The following RTN1 variants were observed in gnomAD, a reference collection of about 807,000 sequenced individuals.
RTN1 encodes the protein reticulon-1.
RTN1 carries 25 observed loss-of-function variants against 65.5 expected under a neutral mutation model. That is an observed-to-expected ratio of 0.38 (90% CI 0.28 to 0.53). The LOEUF (loss-of-function observed/expected upper bound fraction) is 0.53. RTN1 is among the 20% of genes least tolerant of loss of function. RTN1 has a pLI of 0.79. For synonymous variants in RTN1, 471 were observed against 447.6 expected, an observed-to-expected ratio of 1.05 and a Z score of -0.66; for missense variants, 983 against 1,025.4, an observed-to-expected ratio of 0.96 and a Z score of 0.57.
At chr14:59,837,713 T>A (rs1887237543) in intron 1 of RTN1, among the ~76,000 whole-genome samples, 1 of 151,712 alleles carries the variant, frequency 6.6e-6, no homozygotes, top group Admixed American at 6.6e-5. Flanking sequence ...TTTTTGACCA[T>A]CAAATTGATA....
chr14:59,714,520 C>A (rs1884493258), intron 3 of RTN1, among the ~76,000 whole-genome samples: 1 of 152,152 alleles, frequency 6.6e-6, no homozygotes, highest in Non-Finnish European at 1.5e-5. Flanking sequence ...TTGCCATCCC[C>A]TTGGTCTAGA....
chr14:59,749,837 G>A (rs1423111042), intron 1 of RTN1, among the ~76,000 whole-genome samples: 11 of 98,982 alleles, frequency 1.1e-4, no homozygotes, highest in South Asian at 1.1e-3. Context: ...ATATCTATAT[G>A]TATATTTATA....
intron 1 of RTN1, among the ~76,000 whole-genome samples, chr14:59,750,059 C>G (rs1277809316): frequency 1.3e-4 from 9 of 70,104 alleles, no homozygotes; most frequent in African/African-American, 6.1e-4. Flanking sequence ...ATATTATATA[C>G]ATATATTATA....
chr14:59,630,638 C>A lies in RTN1; in HGVS notation c.1766-23146G>T, dbSNP rs779774819. 4 of 1,353,830 alleles carry A rather than the reference C, an allele frequency of 3.0e-6. No individual in the cohort carries two copies. The African/African-American group carries it at 6.0e-5, about 20-fold the overall frequency. 83.9% of individuals were successfully genotyped at this position (1,353,830 alleles called of 1,614,324 possible). A position where few individuals can be genotyped will look rare whatever the true frequency, so the allele number is the denominator to read the frequency against. On this transcript the variant is annotated intron_variant, in intron 3 of 8. Coordinates refer to ENST00000267484, the MANE Select transcript of RTN1 (RefSeq NM_021136.3). ...GCGGAGAGACTGAGGCTGCACCAGG[C>A]GGCGCGCGGTGAGGGGCGGGAGCGT... is the stretch of plus-strand genomic sequence containing the variant.
rs188028486 is a variant in RTN1 at position 59,670,549 on chromosome 14, C to T, written c.1765+56370G>A. Among the ~76,000 whole-genome samples, 1,178 of 152,236 alleles carry T rather than the reference C, an allele frequency of 7.7e-3. 17 individuals are homozygous for T. The highest frequency in any genetic ancestry group is 0.025 in the African/African-American group (1,051 of 41,534). Reference sequence around the variant, plus strand: ...TTTTAAAAAGTCTTGAAGATGGCAACGTGGACCTAAATATATTCAGAAAAA... The same window carrying T: ...TTTTAAAAAGTCTTGAAGATGGCAATGTGGACCTAAATATATTCAGAAAAA... On this transcript the variant is annotated intron_variant, in intron 3 of 8. Transcript: ENST00000267484.
At position 59,836,913 on chromosome 14, in the gene RTN1, T is replaced by C. The variant is rs986940053; in HGVS notation, c.241+33477A>G. On this transcript the variant is annotated intron_variant, in intron 1 of 8. Coordinates refer to ENST00000267484, the MANE Select transcript of RTN1 (RefSeq NM_021136.3). The surrounding 1 kb of genome is among the most constrained non-coding windows in gnomAD (Gnocchi z 4.9). ...CTGAAAAACATAAAAAGACATGTTT[T>C]ATGAATATATTGAGAGCTTATCATG... 6.6e-6 allele frequency among the ~76,000 whole-genome samples: 1 copy of C among 152,232 alleles called. No homozygotes were observed. The highest frequency in any genetic ancestry group is 1.5e-5 in the Non-Finnish European group (1 of 68,040).
At chr14:59,653,540 G>T (rs1883061435) in intron 3 of RTN1, among the ~76,000 whole-genome samples, 1 of 151,658 alleles carries the variant, frequency 6.6e-6, no homozygotes, top group East Asian at 1.9e-4. Flanking sequence ...ATTTATTTAA[G>T]AATGAGACTA....
At chr14:59,605,816 C>T (rs1881728136) in intron 4 of RTN1, 1 of 237,540 alleles carries the variant, frequency 4.2e-6, no homozygotes, top group Admixed American at 5.5e-5. Context: ...AGTGCCAAAT[C>T]AGCTCATTTG....
chr14:59,644,832 C>T (rs1882856013), intron 3 of RTN1, among the ~76,000 whole-genome samples: 1 of 151,902 alleles, frequency 6.6e-6, no homozygotes, highest in East Asian at 2.0e-4. Context: ...CAGACTGCTT[C>T]TCTTTCCATG....
chr14:59,740,698 C>T (rs1253802525), intron 2 of RTN1, among the ~76,000 whole-genome samples: 4 of 152,232 alleles, frequency 2.6e-5, no homozygotes, highest in South Asian at 4.2e-4. Context: ...AAAAGGGACT[C>T]GTAGCTCCTA....
intron 3 of RTN1, among the ~76,000 whole-genome samples, chr14:59,671,014 A>G (rs1883490227): frequency 6.6e-6 from 1 of 152,192 alleles, no homozygotes. Flanking sequence ...TGATACCACT[A>G]TGACCATCCA....
At chr14:59,844,338 T>C (rs185420584) in intron 1 of RTN1, among the ~76,000 whole-genome samples, 1 of 152,206 alleles carries the variant, frequency 6.6e-6, no homozygotes, top group African/African-American at 2.4e-5. Context: ...GGGCTTCTGA[T>C]AAAAGGATGA....
chr14:59,786,788 T>G (rs1886257758), intron 1 of RTN1, among the ~76,000 whole-genome samples: 2 of 152,222 alleles, frequency 1.3e-5, no homozygotes, highest in African/African-American at 4.8e-5. Context: ...TCACCTTTGC[T>G]GTCTGAGCAA....
At chr14:59,799,048 C>T (rs1886490761) in intron 1 of RTN1, among the ~76,000 whole-genome samples, 3 of 152,094 alleles carry the variant, frequency 2.0e-5, no homozygotes, top group Non-Finnish European at 4.4e-5. Context: ...CATTTCTCTA[C>T]AATTAGGTCA....
At chr14:59,840,153 C>A (rs891846690) in intron 1 of RTN1, among the ~76,000 whole-genome samples, 3 of 152,094 alleles carry the variant, frequency 2.0e-5, no homozygotes, top group African/African-American at 7.2e-5. Flanking sequence ...GTTTAAAACA[C>A]TCATTTTTTA....
rs77560717 is a variant in RTN1, at chr14:59,689,523, C to A, written c.1765+37396G>T. Among the ~76,000 whole-genome samples, 877 of 152,174 alleles carry A rather than the reference C, an allele frequency of 5.8e-3. 8 individuals carry two copies. Among genetic ancestry groups the A allele is most frequent in the African/African-American group, 0.018 (751 of 41,524 alleles). ...ATATAGTCACCAGACTGTCAAAGGT[C>A]AACACTAAAGAAAAAATCTTAAAGC... On this transcript the variant is annotated intron_variant, in intron 3 of 8. Transcript: ENST00000267484.
intron 1 of RTN1, among the ~76,000 whole-genome samples, chr14:59,775,019 C>A (rs1486629676): frequency 6.6e-6 from 1 of 152,154 alleles, no homozygotes; most frequent in East Asian, 1.9e-4. Context: ...TGCCACTCTG[C>A]CACATTATAA....
chr14:59,620,210 G>A lies in RTN1; in HGVS notation c.1766-12718C>T, dbSNP rs1032779027. 5.3e-5 allele frequency among the ~76,000 whole-genome samples: 8 copies of A among 152,286 alleles called. No individual in the cohort carries two copies. In the South Asian group the frequency reaches 1.2e-3, roughly 24 times the overall value. On this transcript the variant is annotated intron_variant, in intron 3 of 8. Coordinates refer to ENST00000267484, the MANE Select transcript of RTN1 (RefSeq NM_021136.3). ...AAGTTACAGTTGTGGCCACAGATAC[G>A]TGTTGAGGTGGAACGGAAATAACCT...
chr14:59,813,466 T>C (rs1566735419), intron 1 of RTN1, among the ~76,000 whole-genome samples: 2 of 152,350 alleles, frequency 1.3e-5, no homozygotes, highest in Non-Finnish European at 2.9e-5. Flanking sequence ...AAGATGACTA[T>C]GTAGACTTGA....
Sources: allele counts gnomAD v4.1 joint callset (sites outside exome capture counted in the v4.1 genomes callset), GRCh38; gene constraint gnomAD v4.1.1; non-coding constraint Gnocchi (gnomAD v3.1); transcripts MANE v1.5; gene names NCBI Gene and HGNC (gene_info 2026-07-23, HGNC 2026-07-21).